The following DENND4A variants were observed in gnomAD, a reference collection of about 807,000 sequenced individuals.
DENND4A encodes the protein DENN domain containing 4A, also known as C-myc promoter-binding protein.
In DENND4A, 70 loss-of-function variants were observed where a neutral mutation model predicts 199.3. That is an observed-to-expected ratio of 0.35 (90% confidence interval 0.29 to 0.43). DENND4A has a LOEUF of 0.43. Among genes scored for constraint, DENND4A ranks in the 20% least tolerant of loss-of-function variants. The pLI, the probability that DENND4A is intolerant of heterozygous loss-of-function variation, is 1.00. For synonymous variants in DENND4A, 686 were observed against 766.9 expected, an observed-to-expected ratio of 0.89 and a Z score of 1.74; for missense variants, 1,723 against 2,255.8, an observed-to-expected ratio of 0.76 and a Z score of 4.78.
At chr15:65,666,049 G>C (rs551946724) in intron 29 of DENND4A, among the ~76,000 whole-genome samples, 1 of 152,176 alleles carries the variant, frequency 6.6e-6, no homozygotes, top group Non-Finnish European at 1.5e-5. Context: ...AAGGAATGAC[G>C]AGAGTGGTAG....
chr15:65,771,740 A>C, intron 1 of DENND4A: 3 of 1,612,294 alleles, frequency 1.9e-6, no homozygotes, highest in Non-Finnish European at 2.5e-6. Flanking sequence ...AACTTCACAA[A>C]ACCTCTATGG....
intron 23 of DENND4A, among the ~76,000 whole-genome samples, chr15:65,685,217 C>T (rs1160467135): frequency 6.6e-6 from 1 of 151,984 alleles, no homozygotes; most frequent in East Asian, 1.9e-4. Context: ...AGCTCCGCCT[C>T]CCGGGGTCAC....
chr15:65,765,916 A>G (rs535712728), intron 1 of DENND4A, among the ~76,000 whole-genome samples: 5 of 152,330 alleles, frequency 3.3e-5, no homozygotes, highest in African/African-American at 4.8e-5. Flanking sequence ...ACGGCCAATG[A>G]AATGCAGAGA....
At chr15:65,716,933 C>A (rs1004638291) in intron 13 of DENND4A, among the ~76,000 whole-genome samples, 2 of 152,106 alleles carry the variant, frequency 1.3e-5, no homozygotes, top group African/African-American at 2.4e-5. Context: ...TTAATGATTG[C>A]CATTCTAACT....
chr15:65,739,807 A>G (rs1301500502), intron 5 of DENND4A, among the ~76,000 whole-genome samples: 1 of 152,220 alleles, frequency 6.6e-6, no homozygotes, highest in South Asian at 2.1e-4. Context: ...AGTAGGTCCC[A>G]TGAGGATCTA....
intron 4 of DENND4A, among the ~76,000 whole-genome samples, chr15:65,744,127 G>T (rs886251823): frequency 2.0e-5 from 3 of 152,036 alleles, no homozygotes; most frequent in African/African-American, 7.2e-5. Flanking sequence ...TGGGAATGAT[G>T]AAAAGAGGTC....
At chr15:65,697,037 T>A in intron 21 of DENND4A, 1 of 413,210 alleles carries the variant, frequency 2.4e-6, no homozygotes. Flanking sequence ...TACGTAGCAT[T>A]CATTCTAATG....
intron 1 of DENND4A, among the ~76,000 whole-genome samples, chr15:65,779,560 G>C (rs1329863869): frequency 6.6e-6 from 1 of 152,058 alleles, no homozygotes. Context: ...CACAATCATA[G>C]CTCACTGCTG....
At chr15:65,716,046 T>C (rs1036594033) in intron 13 of DENND4A, among the ~76,000 whole-genome samples, 4 of 152,046 alleles carry the variant, frequency 2.6e-5, no homozygotes, top group Non-Finnish European at 2.9e-5. Flanking sequence ...GTCTTACTTA[T>C]TGAAAACAGA....
chr15:65,697,198 A>G (rs1290260587), intron 21 of DENND4A, 69 bp downstream of exon 21: 3 of 1,015,930 alleles, frequency 3.0e-6, no homozygotes, highest in Non-Finnish European at 4.4e-6. Flanking sequence ...GCACTTTTAT[A>G]AAATCACCTG....
chr15:65,709,830 A>C (rs1282835218), intron 14 of DENND4A, among the ~76,000 whole-genome samples: 1 of 149,410 alleles, frequency 6.7e-6, no homozygotes, highest in East Asian at 2.0e-4. Flanking sequence ...ATTAATTTTC[A>C]GTTTTGATTT....
At chr15:65,714,893 CCCT>C (rs1174372015) in intron 14 of DENND4A, among the ~76,000 whole-genome samples, 2 of 152,098 alleles carry the variant, frequency 1.3e-5, no homozygotes, top group East Asian at 3.9e-4. Context: ...TCTCTCTCCA[CCCT>C]ATTTAGGTTT....
intron 24 of DENND4A, among the ~76,000 whole-genome samples, chr15:65,673,172 T>C (rs933302902): frequency 6.6e-6 from 1 of 151,208 alleles, no homozygotes; most frequent in African/African-American, 2.4e-5. Flanking sequence ...AGGACTGGTA[T>C]TTTTATAAAG....
At chr15:65,666,892 T>C (rs776498710) in intron 29 of DENND4A, among the ~76,000 whole-genome samples, 5 of 151,298 alleles carry the variant, frequency 3.3e-5, no homozygotes, top group East Asian at 3.9e-4. Context: ...CTTGAAGCAA[T>C]AGCAAAAATT....
At chr15:65,781,491 C>CA (rs1467810807) in intron 1 of DENND4A, among the ~76,000 whole-genome samples, 1 of 151,832 alleles carries the variant, frequency 6.6e-6, no homozygotes, top group Non-Finnish European at 1.5e-5. Context: ...GTGACTGATT[C>CA]AAAAAATATT....
chr15:65,721,628 G>A (rs905658552), intron 12 of DENND4A, among the ~76,000 whole-genome samples: 8 of 149,828 alleles, frequency 5.3e-5, no homozygotes, highest in Non-Finnish European at 8.9e-5. Context: ...GAAAGACGAC[G>A]TCTCACTCTG....
chr15:65,752,016 G>A (rs1295164214), intron 4 of DENND4A, among the ~76,000 whole-genome samples: 1 of 149,956 alleles, frequency 6.7e-6, no homozygotes, highest in East Asian at 2.0e-4. Flanking sequence ...AAAGTAGGGA[G>A]GACTGCTAAA....
intron 1 of DENND4A, among the ~76,000 whole-genome samples, chr15:65,782,055 C>T (rs1170887849): frequency 2.0e-5 from 3 of 152,212 alleles, no homozygotes; most frequent in Non-Finnish European, 4.4e-5. Context: ...TAGGGCCCCA[C>T]AAGGGCCCTT....
chr15:65,681,846 G>A (rs563838623), intron 23 of DENND4A, among the ~76,000 whole-genome samples: 4 of 152,260 alleles, frequency 2.6e-5, no homozygotes, highest in African/African-American at 9.6e-5. Context: ...GGGATTACAC[G>A]CGTGAGCCAC....
Sources: gnomAD v4.1 joint callset for allele counts (sites outside exome capture counted in the v4.1 genomes callset) on GRCh38, gnomAD v4.1.1 for gene constraint, MANE v1.5 for transcripts, NCBI Gene and HGNC (gene_info 2026-07-23, HGNC 2026-07-21) for gene names.